The following PLD1 variants were observed in gnomAD, a reference collection of about 807,000 sequenced individuals.
PLD1 encodes choline phosphatase 1.
In PLD1, 112 loss-of-function variants were observed where a neutral mutation model predicts 137.1. The ratio of observed to expected loss-of-function variants is 0.82; its 90% CI spans 0.70 to 0.96. The LOEUF (loss-of-function observed/expected upper bound fraction) is 0.96, where lower values mean the gene tolerates loss of function less well. PLD1 is among the 40% of genes least tolerant of loss of function. PLD1 has a pLI of 0.00. For missense variants in PLD1, 1,321 were observed against 1,342.0 expected, an observed-to-expected ratio of 0.98 and a Z score of 0.24; for synonymous variants, 431 against 454.7, an observed-to-expected ratio of 0.95 and a Z score of 0.66.
At chr3:171,648,916 T>C (rs941454455) in intron 21 of PLD1, among the ~76,000 whole-genome samples, 2 of 152,240 alleles carry the variant, frequency 1.3e-5, no homozygotes, top group Admixed American at 6.5e-5. Flanking sequence ...TACTTTAATA[T>C]TTAAACCAGT....
chr3:171,744,669 T>TA (rs950910224), intron 1 of PLD1, among the ~76,000 whole-genome samples: 1 of 152,140 alleles, frequency 6.6e-6, no homozygotes, highest in Non-Finnish European at 1.5e-5. Context: ...TTCCCCTAGC[T>TA]AAAAACAAAG....
intron 23 of PLD1, among the ~76,000 whole-genome samples, chr3:171,621,745 G>A (rs1023297341): frequency 1.1e-4 from 16 of 152,096 alleles, no homozygotes; most frequent in African/African-American, 3.9e-4. Flanking sequence ...TGAGGTTTTT[G>A]CAATTTATTC....
At chr3:171,803,726 TC>T (rs1421083976) in intron 1 of PLD1, among the ~76,000 whole-genome samples, 1 of 152,134 alleles carries the variant, frequency 6.6e-6, no homozygotes, top group Non-Finnish European at 1.5e-5. Context: ...AGAGTGAAAT[TC>T]TGTCTCAAAA....
At chr3:171,625,167 A>G (rs7616361) in intron 23 of PLD1, among the ~76,000 whole-genome samples, 12,047 of 152,218 alleles carry the variant, frequency 0.079, 1,359 homozygotes, top group African/African-American at 0.25. Context: ...GCGCTTTTCC[A>G]ACAGGCTTAA....
chr3:171,666,888 G>A (rs1021240967), intron 19 of PLD1, among the ~76,000 whole-genome samples: 6 of 152,112 alleles, frequency 3.9e-5, no homozygotes, highest in Admixed American at 1.3e-4. Flanking sequence ...TTCGTGCTAC[G>A]TCTTATTTTT....
At chr3:171,786,443 G>T (rs1359532320) in intron 1 of PLD1, among the ~76,000 whole-genome samples, 2 of 152,160 alleles carry the variant, frequency 1.3e-5, no homozygotes, top group Non-Finnish European at 1.5e-5. Flanking sequence ...CTGCATTATA[G>T]AATCCTGTCT....
intron 1 of PLD1, among the ~76,000 whole-genome samples, chr3:171,738,379 A>AAGT (rs1578388151): frequency 6.6e-6 from 1 of 152,200 alleles, no homozygotes; most frequent in South Asian, 2.1e-4. Flanking sequence ...TAACTTGGAT[A>AAGT]AGTAATTCAA....
At chr3:171,642,280 C>A (rs1304106256) in intron 23 of PLD1, among the ~76,000 whole-genome samples, 2 of 151,200 alleles carry the variant, frequency 1.3e-5, no homozygotes, top group African/African-American at 4.9e-5. Context: ...CACGGTGAAA[C>A]CTCGTCTCTA....
intron 23 of PLD1, among the ~76,000 whole-genome samples, chr3:171,630,981 T>A (rs1734612396): frequency 6.6e-6 from 1 of 151,614 alleles, no homozygotes; most frequent in Non-Finnish European, 1.5e-5. Flanking sequence ...AACCTGCACA[T>A]TGTGCACATG....
At position 171,600,420 on chromosome 3, in the gene PLD1, T is replaced by C. The variant is rs1156610274; in HGVS notation, c.*2658A>G. 6.6e-6 allele frequency: 1 copy of C among 152,196 alleles called. No homozygotes were observed. The highest frequency in any genetic ancestry group is 1.5e-5 in the Non-Finnish European group (1 of 68,024). 9.4% of individuals were successfully genotyped at this position (152,196 alleles called of 1,614,324 possible). On this transcript the variant is annotated 3_prime_UTR_variant, in exon 27 of 27. Transcript: ENST00000351298. ...AGCAGGATGTCAGGTATATAGCATT[T>C]ATAGGCATTTCAAAATAGTCACTTT... is the stretch of plus-strand genomic sequence containing the variant.
At chr3:171,784,015 G>A (rs13093345) in intron 1 of PLD1, among the ~76,000 whole-genome samples, 113,301 of 152,074 alleles carry the variant, frequency 0.75, 43,858 homozygotes, top group Middle Eastern at 0.9. Context: ...TGTCTGGATA[G>A]TATGTGTACC....
At chr3:171,605,884 TG>T (rs973165812) in intron 25 of PLD1, among the ~76,000 whole-genome samples, 1 of 152,230 alleles carries the variant, frequency 6.6e-6, no homozygotes, top group Admixed American at 6.5e-5. Context: ...CAAGAAGACC[TG>T]TGCTATTTGG....
chr3:171,731,380 T>C (rs1015963944), intron 6 of PLD1, among the ~76,000 whole-genome samples: 11 of 152,156 alleles, frequency 7.2e-5, no homozygotes, highest in African/African-American at 2.7e-4. Context: ...CCAGACTACA[T>C]TTAAAGAAAA....
intron 26 of PLD1, among the ~76,000 whole-genome samples, chr3:171,603,754 A>G (rs1052892693): frequency 6.6e-6 from 1 of 152,208 alleles, no homozygotes; most frequent in Non-Finnish European, 1.5e-5. Context: ...ATATCATAAC[A>G]CTTCACCCCT....
intron 1 of PLD1, among the ~76,000 whole-genome samples, chr3:171,772,940 T>G (rs1296136306): frequency 1.3e-5 from 2 of 152,204 alleles, no homozygotes; most frequent in Admixed American, 1.3e-4. Context: ...ATAAATAATA[T>G]TGATCTCTCC....
intron 1 of PLD1, among the ~76,000 whole-genome samples, chr3:171,786,502 T>C (rs1176764003): frequency 6.6e-6 from 1 of 152,188 alleles, no homozygotes; most frequent in Admixed American, 6.5e-5. Context: ...AAGCAGATAC[T>C]TGGATATCCA....
chr3:171,638,056 G>A (rs1054752525), intron 23 of PLD1, among the ~76,000 whole-genome samples: 6 of 151,970 alleles, frequency 3.9e-5, no homozygotes, highest in African/African-American at 1.5e-4. Flanking sequence ...GCGGCGATGG[G>A]CGCCTGCAGT....
At chr3:171,728,263 C>T (rs546227631) in intron 6 of PLD1, among the ~76,000 whole-genome samples, 10 of 152,260 alleles carry the variant, frequency 6.6e-5, no homozygotes, top group Admixed American at 2.0e-4. Flanking sequence ...TTGCAGTGAG[C>T]GGAGATCGTG....
chr3:171,647,679 C>A (rs1389227561), intron 21 of PLD1, among the ~76,000 whole-genome samples: 1 of 152,108 alleles, frequency 6.6e-6, no homozygotes, highest in African/African-American at 2.4e-5. Flanking sequence ...GAACTCCTGA[C>A]CTCAGGTGAT....
Sources: gnomAD v4.1 joint callset for allele counts (sites outside exome capture counted in the v4.1 genomes callset) on GRCh38, gnomAD v4.1.1 for gene constraint, MANE v1.5 for transcripts, NCBI Gene and HGNC (gene_info 2026-07-23, HGNC 2026-07-21) for gene names.